Variants in ATP8B4 observed in about 807,000 individuals in gnomAD.
The protein encoded by ATP8B4 is probable phospholipid-transporting ATPase IM.
Under a neutral mutation model 145.6 loss-of-function variants are expected in ATP8B4, and 133 were observed. The observed-to-expected ratio is 0.91, with a 90% CI of 0.79 to 1.05. ATP8B4 has a LOEUF of 1.05. Ranked by LOEUF, ATP8B4 falls within the 50% of genes least tolerant of loss-of-function variation. ATP8B4 has a pLI of 0.00. For missense variants in ATP8B4, 1,458 were observed against 1,425.2 expected, an observed-to-expected ratio of 1.02 and a Z score of -0.37; for synonymous variants, 507 against 492.9, an observed-to-expected ratio of 1.03 and a Z score of -0.38.
intron 3 of ATP8B4, among the ~76,000 whole-genome samples, chr15:50,064,923 A>C (rs1031767785): frequency 1.3e-5 from 2 of 152,146 alleles, no homozygotes; most frequent in African/African-American, 4.8e-5. Flanking sequence ...CACTATCATG[A>C]GAACAACACC....
At position 49,892,900 on chromosome 15, in the gene ATP8B4, C is replaced by T. The variant is rs140557229; in HGVS notation, c.2697+4392G>A. The stretch of plus-strand genomic sequence containing the variant: ...AAGGGACTGCAAGGAAACTAGCCTA[C>T]GTCAACTTTGCACTAACTAAAGGGA... On this transcript the variant is annotated intron_variant, in intron 23 of 27. Coordinates refer to ENST00000284509, the MANE Select transcript of ATP8B4 (RefSeq NM_024837.4). Among the ~76,000 whole-genome samples, 310 of 152,284 alleles carry T rather than the reference C, an allele frequency of 2.0e-3. 1 individual carries two copies. The highest frequency in any genetic ancestry group is 6.8e-3 in the African/African-American group (283 of 41,560).
intron 20 of ATP8B4, among the ~76,000 whole-genome samples, chr15:49,915,578 A>G (rs28406046): frequency 0.23 from 34,645 of 151,992 alleles, 5,616 homozygotes; most frequent in African/African-American, 0.46. Flanking sequence ...CCCCCAAAAT[A>G]TGTATAAATA....
At chr15:50,067,976 CAATG>C (rs2053493120) in intron 3 of ATP8B4, among the ~76,000 whole-genome samples, 2 of 152,176 alleles carry the variant, frequency 1.3e-5, no homozygotes, top group African/African-American at 4.8e-5. Flanking sequence ...GAAAAGGGGA[CAATG>C]AATGGTCTAT....
chr15:50,162,144 A>T (rs2140844097), intron 1 of ATP8B4, among the ~76,000 whole-genome samples: 1 of 151,960 alleles, frequency 6.6e-6, no homozygotes, highest in Non-Finnish European at 1.5e-5. Context: ...GATGTATTGG[A>T]GCTTTCTTGT....
At chr15:49,902,554 T>C (rs1026467543) in intron 20 of ATP8B4, among the ~76,000 whole-genome samples, 1 of 152,220 alleles carries the variant, frequency 6.6e-6, no homozygotes, top group African/African-American at 2.4e-5. Context: ...CCAAGAATCA[T>C]ATCACACATT....
chr15:50,133,083 C>T (rs752128326), intron 1 of ATP8B4, among the ~76,000 whole-genome samples: 8 of 152,202 alleles, frequency 5.3e-5, no homozygotes, highest in Admixed American at 1.3e-4. Context: ...ACATTCTGCA[C>T]ATGTATTCCA....
At chr15:49,901,319 A>G in intron 20 of ATP8B4, 80 bp from the exon 21 acceptor site, 3 of 1,421,208 alleles carry the variant, frequency 2.1e-6, no homozygotes, top group Middle Eastern at 1.9e-4. Flanking sequence ...ACTTGCCTAG[A>G]GGTAAATTTA....
intron 20 of ATP8B4, among the ~76,000 whole-genome samples, chr15:49,912,204 T>C (rs554240823): frequency 1.8e-4 from 27 of 152,076 alleles, no homozygotes; most frequent in African/African-American, 6.0e-4. Context: ...TAAAATAGAC[T>C]AAAAAATACA....
intron 13 of ATP8B4, among the ~76,000 whole-genome samples, chr15:49,962,595 G>C (rs998799859): frequency 6.6e-6 from 1 of 152,096 alleles, no homozygotes; most frequent in Non-Finnish European, 1.5e-5. Context: ...AGATCTAATA[G>C]AAAATAAGGG....
intron 9 of ATP8B4, among the ~76,000 whole-genome samples, chr15:49,996,044 G>A (rs945934877): frequency 2.6e-5 from 4 of 152,012 alleles, no homozygotes; most frequent in African/African-American, 7.2e-5. Context: ...AGAATAGAAC[G>A]AGATATAGGT....
rs530005155 is a variant in ATP8B4 at position 50,045,932 on chromosome 15, A to C, written c.202-1240T>G. Among the ~76,000 whole-genome samples the C allele has an allele frequency of 4.6e-5, 7 of 152,324 alleles. No homozygotes were observed. The South Asian group carries it at 1.5e-3, about 32-fold the overall frequency. ...TTCATGGGGAGAGGTGGGGGGAAGA[A>C]ATTTGGACTCTAAGCTTTCTTCAAC... On this transcript the variant is annotated intron_variant, in intron 4 of 27. Transcript: ENST00000284509.
At chr15:49,999,626 G>A (rs1214306329) in intron 8 of ATP8B4, among the ~76,000 whole-genome samples, 1 of 152,078 alleles carries the variant, frequency 6.6e-6, no homozygotes, top group Non-Finnish European at 1.5e-5. Context: ...ATCTGCCTGA[G>A]TATCTTGATA....
intron 14 of ATP8B4, 29 bp downstream of exon 14, chr15:49,961,948 C>G (rs556839473): frequency 3.2e-6 from 5 of 1,552,950 alleles, no homozygotes; most frequent in Non-Finnish European, 3.5e-6. Context: ...GAAATTAAAA[C>G]TAAGAATAAA....
intron 1 of ATP8B4, among the ~76,000 whole-genome samples, chr15:50,142,386 C>T (rs28609790): frequency 0.026 from 3,981 of 152,170 alleles, 167 homozygotes; most frequent in African/African-American, 0.092. Flanking sequence ...TGTATAATCA[C>T]CATCAAGGTC....
Position 49,916,410 on chromosome 15 carries a change from T to C in ATP8B4, c.2141+524A>G, listed in dbSNP as rs188852525. Among the ~76,000 whole-genome samples, 4 of 152,292 alleles carry C rather than the reference T, an allele frequency of 2.6e-5. No homozygotes were observed. The East Asian group carries it at 5.8e-4, about 22-fold the overall frequency. On this transcript the variant is annotated intron_variant, in intron 20 of 27. Coordinates refer to ENST00000284509, the MANE Select transcript of ATP8B4 (RefSeq NM_024837.4). ...GTTCAATAGTAACTACATCAAAATA[T>C]CTACTTTCTTTAATGCTGAAAGACT...
At chr15:49,943,376 G>C (rs945046071) in intron 14 of ATP8B4, among the ~76,000 whole-genome samples, 2 of 149,322 alleles carry the variant, frequency 1.3e-5, no homozygotes, top group Non-Finnish European at 3.0e-5. Flanking sequence ...GAAGCCCAAA[G>C]ATCACCAAAT....
chr15:49,870,215 A>G (rs917150577), intron 25 of ATP8B4, among the ~76,000 whole-genome samples: 1 of 152,226 alleles, frequency 6.6e-6, no homozygotes, highest in Non-Finnish European at 1.5e-5. Context: ...AAAGCTGACC[A>G]GAATATCTAG....
chr15:49,960,026 T>G (rs2043925757), intron 14 of ATP8B4, among the ~76,000 whole-genome samples: 2 of 132,352 alleles, frequency 1.5e-5, no homozygotes, highest in South Asian at 4.6e-4. Flanking sequence ...TGTCAATAAT[T>G]TTTTTGGTTT....
At chr15:50,092,356 CA>C (rs2055665896) in intron 2 of ATP8B4, among the ~76,000 whole-genome samples, 1 of 151,834 alleles carries the variant, frequency 6.6e-6, no homozygotes, top group Non-Finnish European at 1.5e-5. Flanking sequence ...CGTTCAATAA[CA>C]AATTAGTGGT....
Sources: allele counts gnomAD v4.1 joint callset (sites outside exome capture counted in the v4.1 genomes callset), GRCh38; gene constraint gnomAD v4.1.1; transcripts MANE v1.5; gene names NCBI Gene and HGNC (gene_info 2026-07-23, HGNC 2026-07-21).